The following FRMD4A variants were observed in gnomAD, a reference collection of about 807,000 sequenced individuals.
FRMD4A encodes FERM domain containing 4A.
Under a neutral mutation model 129.1 loss-of-function variants are expected in FRMD4A, and 29 were observed. The observed-to-expected ratio is 0.22, with a 90% CI of 0.17 to 0.31. The LOEUF (loss-of-function observed/expected upper bound fraction) is 0.31, where lower values mean the gene tolerates loss of function less well. Ranked by LOEUF, FRMD4A falls within the 10% of genes least tolerant of loss-of-function variation. FRMD4A has a pLI of 1.00. For synonymous variants in FRMD4A, 634 were observed against 571.6 expected, an observed-to-expected ratio of 1.11 and a Z score of -1.56; for missense variants, 1,272 against 1,375.8, an observed-to-expected ratio of 0.92 and a Z score of 1.19.
intron 17 of FRMD4A, chr10:13,668,345 G>A (rs2083229204): frequency 6.6e-6 from 1 of 152,194 alleles, no homozygotes; most frequent in Non-Finnish European, 1.5e-5. Context: ...TGTTACAATG[G>A]CCCTGGCACC....
At chr10:13,721,572 T>G (rs1363385096) in intron 12 of FRMD4A, among the ~76,000 whole-genome samples, 2 of 152,156 alleles carry the variant, frequency 1.3e-5, no homozygotes. Context: ...TGGCATCCCT[T>G]GTCCATAAAA....
chr10:13,847,614 C>T (rs1053250039), intron 3 of FRMD4A, among the ~76,000 whole-genome samples: 2 of 152,020 alleles, frequency 1.3e-5, no homozygotes, highest in Non-Finnish European at 2.9e-5. Flanking sequence ...CTCATGTCCT[C>T]CTGGATCCCC....
At chr10:13,653,121 C>T (rs1327053985) in intron 23 of FRMD4A, 1 of 151,850 alleles carries the variant, frequency 6.6e-6, no homozygotes, top group Non-Finnish European at 1.5e-5. Context: ...AAGCTGCTCG[C>T]AGCCTTTGAG....
intron 2 of FRMD4A, chr10:14,008,069 G>A (rs1048396383): frequency 1.5e-6 from 2 of 1,303,508 alleles, no homozygotes; most frequent in Non-Finnish European, 2.0e-6. Flanking sequence ...CCCTTTCAAC[G>A]CTGCGCCTTC....
intron 12 of FRMD4A, among the ~76,000 whole-genome samples, chr10:13,708,699 T>A (rs1489499098): frequency 6.6e-6 from 1 of 152,250 alleles, no homozygotes; most frequent in African/African-American, 2.4e-5. Flanking sequence ...CGGAGTCTAT[T>A]ACTAAAATAC....
intron 3 of FRMD4A, among the ~76,000 whole-genome samples, chr10:13,825,588 G>A (rs971510590): frequency 6.6e-6 from 1 of 152,168 alleles, no homozygotes; most frequent in African/African-American, 2.4e-5. Context: ...CCTGGTCCAT[G>A]GAAAAACTGT....
intron 15 of FRMD4A, among the ~76,000 whole-genome samples, chr10:13,686,404 G>GA (rs2085090652): frequency 6.6e-6 from 1 of 152,242 alleles, no homozygotes; most frequent in Admixed American, 6.5e-5. Context: ...TGTTTGGAGA[G>GA]ATGTCAGATA....
intron 2 of FRMD4A, among the ~76,000 whole-genome samples, chr10:13,937,310 C>T (rs964697101): frequency 2.6e-5 from 4 of 152,032 alleles, no homozygotes; most frequent in African/African-American, 7.2e-5. Flanking sequence ...AATAACTGTC[C>T]GCATGGAGAA....
At chr10:14,327,990 T>C (rs776892694) in intron 2 of FRMD4A, among the ~76,000 whole-genome samples, 3 of 152,172 alleles carry the variant, frequency 2.0e-5, no homozygotes, top group Non-Finnish European at 4.4e-5. Flanking sequence ...AATTTTAAGA[T>C]GCATCATGCA....
intron 6 of FRMD4A, among the ~76,000 whole-genome samples, chr10:13,776,547 T>G (rs2130757944): frequency 6.6e-6 from 1 of 152,370 alleles, no homozygotes; most frequent in South Asian, 2.1e-4. Context: ...TGGCAGGAGT[T>G]GCAGGGAGGA....
intron 2 of FRMD4A, among the ~76,000 whole-genome samples, chr10:13,944,905 G>A (rs1268370007): frequency 6.6e-6 from 1 of 152,222 alleles, no homozygotes; most frequent in African/African-American, 2.4e-5. Context: ...ATAGCCTGAT[G>A]GGAACCCTGT....
At chr10:13,750,833 A>C (rs1194097189) in intron 8 of FRMD4A, among the ~76,000 whole-genome samples, 2 of 152,186 alleles carry the variant, frequency 1.3e-5, no homozygotes, top group African/African-American at 4.8e-5. Context: ...GGAAAACTCA[A>C]TTCCAATCCC....
intron 2 of FRMD4A, among the ~76,000 whole-genome samples, chr10:14,267,323 CAG>C (rs1358295483): frequency 1.3e-5 from 2 of 152,156 alleles, no homozygotes; most frequent in African/African-American, 2.4e-5. Context: ...AAAATAGAAG[CAG>C]CTCAAAGGGA....
In FRMD4A at chr10:14,282,524, G is replaced by A. The variant is rs187705943; in HGVS notation, c.45+47534C>T. Among the ~76,000 whole-genome samples the A allele has an allele frequency of 1.5e-4, 23 of 152,270 alleles. No homozygotes were observed. The East Asian group carries it at 3.1e-3, about 20-fold the overall frequency. On this transcript the variant is annotated intron_variant, in intron 2 of 24. Transcript: ENST00000357447. ...GCTTAAATAAAGGTAGGAGGGATGG[G>A]GAAACTAATAAATTCTAATACAGCC...
chr10:14,304,408 G>A (rs928485036), intron 2 of FRMD4A, among the ~76,000 whole-genome samples: 2 of 152,150 alleles, frequency 1.3e-5, no homozygotes, highest in African/African-American at 4.8e-5. Context: ...GAGAGCAGCC[G>A]TTTTGGTGGA....
At chr10:14,003,341 G>A (rs559299428) in intron 2 of FRMD4A, among the ~76,000 whole-genome samples, 1 of 152,156 alleles carries the variant, frequency 6.6e-6, no homozygotes, top group African/African-American at 2.4e-5. Context: ...AGGAGAAGCA[G>A]GATTATTAGG....
chr10:14,291,860 A>G (rs1410095080), intron 2 of FRMD4A, among the ~76,000 whole-genome samples: 1 of 151,892 alleles, frequency 6.6e-6, no homozygotes, highest in Non-Finnish European at 1.5e-5. Context: ...ACTCAAAAGA[A>G]TTAGCGAATA....
At chr10:13,679,502 C>T (rs1378725334) in intron 15 of FRMD4A, among the ~76,000 whole-genome samples, 1 of 129,992 alleles carries the variant, frequency 7.7e-6, no homozygotes, top group Non-Finnish European at 1.6e-5. Flanking sequence ...CACACACACA[C>T]ACACACACAG....
At position 13,741,502 on chromosome 10, in the gene FRMD4A, G is replaced by A. The variant is rs116686748; in HGVS notation, c.549-925C>T. ...GACTGGAGCCCAGGTTTTGGGATCA[G>A]CTCCTTGGAAGAAATGGTACCGTGG... On this transcript the variant is annotated intron_variant, in intron 9 of 24. Coordinates refer to ENST00000357447, the MANE Select transcript of FRMD4A (RefSeq NM_018027.5). Among the ~76,000 whole-genome samples, 1,499 of 152,246 alleles carry A rather than the reference G, an allele frequency of 9.8e-3. 36 individuals carry two copies. Among genetic ancestry groups the A allele is most frequent in the African/African-American group, 0.035 (1,446 of 41,550 alleles).
Sources: gnomAD v4.1 joint callset for allele counts (sites outside exome capture counted in the v4.1 genomes callset) on GRCh38, gnomAD v4.1.1 for gene constraint, MANE v1.5 for transcripts, NCBI Gene and HGNC (gene_info 2026-07-23, HGNC 2026-07-21) for gene names.